Variants in TANC2 observed in about 807,000 individuals in gnomAD.
The protein encoded by TANC2 is protein TANC2.
A neutral mutation model predicts 210.5 loss-of-function variants in TANC2; 26 were observed. The ratio of observed to expected loss-of-function variants is 0.12; its 90% CI spans 0.09 to 0.17. The LOEUF (loss-of-function observed/expected upper bound fraction) is 0.17, where lower values mean the gene tolerates loss of function less well. Ranked by LOEUF, TANC2 falls within the 10% of genes least tolerant of loss-of-function variation. The pLI is 1.00. For missense variants in TANC2, 2,129 were observed against 2,608.9 expected, an observed-to-expected ratio of 0.82 and a Z score of 4.01; for synonymous variants, 931 against 967.1, an observed-to-expected ratio of 0.96 and a Z score of 0.69.
chr17:63,254,349 ATTTG>A (rs777278964), intron 8 of TANC2, among the ~76,000 whole-genome samples: 19 of 151,856 alleles, frequency 1.3e-4, no homozygotes, highest in South Asian at 4.2e-4. Flanking sequence ...ACTTTACTGA[ATTTG>A]TTTATTAGTT....
intron 2 of TANC2, among the ~76,000 whole-genome samples, chr17:63,035,320 G>A (rs1446095164): frequency 6.6e-6 from 1 of 152,162 alleles, no homozygotes; most frequent in Non-Finnish European, 1.5e-5. Flanking sequence ...AAAGTTAATA[G>A]ATTATAGTGT....
At chr17:63,061,436 C>A (rs180821632) in intron 2 of TANC2, among the ~76,000 whole-genome samples, 133 of 152,082 alleles carry the variant, frequency 8.7e-4, no homozygotes, top group Non-Finnish European at 1.5e-3. Flanking sequence ...TCAAATGATC[C>A]CCCCCTTTTT....
chr17:63,244,535 G>C (rs558212757), intron 8 of TANC2, among the ~76,000 whole-genome samples: 66 of 152,294 alleles, frequency 4.3e-4, no homozygotes, highest in South Asian at 2.9e-3. Context: ...TGTGAAAGCA[G>C]AACCCATTGA....
intron 9 of TANC2, among the ~76,000 whole-genome samples, chr17:63,303,322 T>C (rs551821277): frequency 1.3e-5 from 2 of 152,344 alleles, no homozygotes; most frequent in South Asian, 4.1e-4. Flanking sequence ...CAGCATTTGC[T>C]TATCTGGAAA....
intron 9 of TANC2, among the ~76,000 whole-genome samples, chr17:63,304,109 TC>T (rs1277021926): frequency 2.6e-5 from 4 of 152,072 alleles, no homozygotes; most frequent in African/African-American, 9.7e-5. Context: ...TCATCCTTCA[TC>T]CAGTTCTGCG....
intron 7 of TANC2, among the ~76,000 whole-genome samples, chr17:63,222,180 A>G (rs1470067913): frequency 6.6e-6 from 1 of 152,084 alleles, no homozygotes; most frequent in Non-Finnish European, 1.5e-5. Flanking sequence ...CTTTTTTGGT[A>G]CACTTATATT....
chr17:63,065,321 T>C (rs572125475), intron 2 of TANC2, among the ~76,000 whole-genome samples: 4 of 152,200 alleles, frequency 2.6e-5, no homozygotes, highest in Non-Finnish European at 5.9e-5. Flanking sequence ...AACACTTAGG[T>C]TGATTCCATA....
At chr17:63,211,500 C>G (rs967484554) in intron 7 of TANC2, among the ~76,000 whole-genome samples, 2 of 151,892 alleles carry the variant, frequency 1.3e-5, no homozygotes, top group Admixed American at 6.6e-5. Context: ...AGATTATCTC[C>G]TCTAATCTTT....
rs1214330866 is a variant in TANC2, at chr17:63,200,655, T to C, written c.583-116T>C. The C allele has an allele frequency of 1.0e-5, 9 of 883,036 alleles. No homozygotes were observed. In the East Asian group the frequency reaches 1.5e-4, roughly 15 times the overall value. The allele number at this position is 883,036 out of a possible 1,614,324, so 54.7% of individuals were successfully genotyped here. On this transcript the variant is annotated intron_variant, in intron 6 of 27. Transcript: ENST00000689528. ...GAAAGCAAAAACAAATAGAGCCTAA[T>C]AGATGTAAAAGCTATGCATGTAGTT...
chr17:63,093,538 T>C (rs116924814), intron 3 of TANC2, among the ~76,000 whole-genome samples: 1,734 of 152,304 alleles, frequency 0.011, 25 homozygotes, highest in Non-Finnish European at 0.016. Flanking sequence ...CTTGAAATTA[T>C]ATACTGTTTG....
At chr17:63,063,734 C>T (rs1019437062) in intron 2 of TANC2, among the ~76,000 whole-genome samples, 1 of 150,846 alleles carries the variant, frequency 6.6e-6, no homozygotes, top group East Asian at 1.9e-4. Context: ...CACTTTGTTA[C>T]CCAGTATTGT....
At chr17:63,417,931 G>A (rs1006925410) in intron 26 of TANC2, among the ~76,000 whole-genome samples, 9 of 152,156 alleles carry the variant, frequency 5.9e-5, no homozygotes, top group African/African-American at 1.9e-4. Context: ...CTCAGACCAG[G>A]GTCCACGTGA....
intron 3 of TANC2, among the ~76,000 whole-genome samples, chr17:63,098,432 A>G (rs1288712637): frequency 3.0e-4 from 2 of 6,736 alleles, no homozygotes; most frequent in East Asian, 0.017. Context: ...GCCTTAGACT[A>G]CACACACACA....
At chr17:63,234,963 T>C (rs2042580593) in intron 7 of TANC2, among the ~76,000 whole-genome samples, 1 of 152,150 alleles carries the variant, frequency 6.6e-6, no homozygotes, top group Non-Finnish European at 1.5e-5. Flanking sequence ...TATAAGGTGA[T>C]AAGTATGAAT....
At chr17:63,308,960 T>C (rs1177525503) in intron 9 of TANC2, among the ~76,000 whole-genome samples, 2 of 152,192 alleles carry the variant, frequency 1.3e-5, no homozygotes, top group Non-Finnish European at 2.9e-5. Flanking sequence ...TATTGTTAGC[T>C]TCCATCTGCA....
chr17:63,332,907 A>G (rs2045905132), intron 11 of TANC2, among the ~76,000 whole-genome samples: 1 of 152,298 alleles, frequency 6.6e-6, no homozygotes, highest in East Asian at 1.9e-4. Flanking sequence ...AACCTGGATG[A>G]TAGCACATCT....
intron 9 of TANC2, among the ~76,000 whole-genome samples, chr17:63,270,724 A>T (rs1039183286): frequency 6.6e-6 from 1 of 152,060 alleles, no homozygotes; most frequent in African/African-American, 2.4e-5. Flanking sequence ...TTATATAGGT[A>T]TGAGTCATGG....
chr17:63,420,659 T>G lies in TANC2; in HGVS notation c.4929T>G (p.Gly1643=). ...TGAGTGTCTATAGATCCCAGTCTGG[T>G]TCACCCGTGCGCTATCAGCAGGAAA... is the stretch of plus-strand genomic sequence containing the variant. The change falls in exon 28 of 28, where the codon GGT becomes GGG. Residue 1643 remains glycine (G), a synonymous_variant. Coordinates refer to ENST00000689528, the Ensembl canonical transcript of TANC2. The surrounding 1 kb of genome is among the most constrained non-coding windows in gnomAD (Gnocchi z 4.2). 1 of 1,613,742 alleles carries G rather than the reference T, an allele frequency of 6.2e-7. No individual in the cohort carries two copies. Among genetic ancestry groups the G allele is most frequent in the Non-Finnish European group, 8.5e-7 (1 of 1,179,762 alleles).
At chr17:63,207,655 T>G (rs548642018) in intron 7 of TANC2, among the ~76,000 whole-genome samples, 1 of 152,214 alleles carries the variant, frequency 6.6e-6, no homozygotes, top group Non-Finnish European at 1.5e-5. Flanking sequence ...GATGAAAAGT[T>G]GAGTTGTTTC....
Sources: allele counts gnomAD v4.1 joint callset (sites outside exome capture counted in the v4.1 genomes callset), GRCh38; gene constraint gnomAD v4.1.1; non-coding constraint Gnocchi (gnomAD v3.1); transcripts MANE v1.5; gene names NCBI Gene and HGNC (gene_info 2026-07-23, HGNC 2026-07-21).